The following RANBP17 variants were observed in gnomAD, a reference collection of about 807,000 sequenced individuals.
RANBP17 encodes RAN binding protein 17.
RANBP17 carries 158 observed loss-of-function variants against 141.2 expected under a neutral mutation model. That is an observed-to-expected ratio of 1.12 (90% confidence interval 0.98 to 1.28). RANBP17 has a LOEUF of 1.28. Among genes scored for constraint, RANBP17 ranks in the 50% most tolerant of loss-of-function variants. RANBP17 has a pLI of 0.00. For synonymous variants in RANBP17, 430 were observed against 450.0 expected (o/e 0.96, Z 0.56); for missense variants, 1,438 against 1,290.7 (o/e 1.11, Z -1.75).
chr5:170,935,468 G>T (rs1043362824), intron 12 of RANBP17, among the ~76,000 whole-genome samples: 1 of 152,170 alleles, frequency 6.6e-6, no homozygotes, highest in African/African-American at 2.4e-5. Context: ...TTTGATGATG[G>T]TGACGTATGG....
chr5:171,127,936 A>G (rs953679798), intron 14 of RANBP17, among the ~76,000 whole-genome samples: 1 of 152,158 alleles, frequency 6.6e-6, no homozygotes, highest in South Asian at 2.1e-4. Flanking sequence ...CGAGGCGGGC[A>G]GATCATGAGC....
intron 24 of RANBP17, among the ~76,000 whole-genome samples, chr5:171,260,608 T>G (rs1014598237): frequency 6.6e-6 from 1 of 152,074 alleles, no homozygotes; most frequent in African/African-American, 2.4e-5. Flanking sequence ...GTAGGGTGAC[T>G]ATAGTTAACA....
At chr5:171,055,365 A>G (rs1377774585) in intron 14 of RANBP17, among the ~76,000 whole-genome samples, 4 of 152,314 alleles carry the variant, frequency 2.6e-5, no homozygotes, top group East Asian at 1.9e-4. Context: ...CAGGTGTACC[A>G]TATTTCTTGA....
intron 16 of RANBP17, among the ~76,000 whole-genome samples, chr5:171,178,540 A>C (rs976679368): frequency 6.6e-5 from 10 of 152,158 alleles, no homozygotes; most frequent in African/African-American, 2.4e-4. Flanking sequence ...ATACCCAGTA[A>C]TGGGATTGCT....
chr5:171,157,577 C>T (rs966987882), intron 14 of RANBP17, among the ~76,000 whole-genome samples: 4 of 152,184 alleles, frequency 2.6e-5, no homozygotes, highest in African/African-American at 9.6e-5. Flanking sequence ...AATGTGGCAA[C>T]ATATTTGCTG....
intron 12 of RANBP17, among the ~76,000 whole-genome samples, chr5:170,926,240 G>A (rs1772910343): frequency 6.6e-6 from 1 of 152,120 alleles, no homozygotes; most frequent in Non-Finnish European, 1.5e-5. Context: ...CTGTGTTTCA[G>A]TAAAGTTTTA....
chr5:171,179,805 G>T (rs925131570), intron 16 of RANBP17, among the ~76,000 whole-genome samples: 1 of 152,028 alleles, frequency 6.6e-6, no homozygotes, highest in Non-Finnish European at 1.5e-5. Context: ...ATTAAATGGG[G>T]TAAATACTCA....
chr5:171,214,844 G>C (rs191987646), intron 21 of RANBP17, among the ~76,000 whole-genome samples: 2 of 151,918 alleles, frequency 1.3e-5, no homozygotes, highest in East Asian at 3.9e-4. Flanking sequence ...AAAAATCATT[G>C]CATTGTATAT....
chr5:171,143,018 C>A (rs967418463), intron 14 of RANBP17, among the ~76,000 whole-genome samples: 5 of 152,088 alleles, frequency 3.3e-5, no homozygotes, highest in African/African-American at 4.8e-5. Flanking sequence ...CTATTTTATC[C>A]ATTGCAGTAT....
At chr5:170,964,588 C>T (rs531005399) in intron 13 of RANBP17, among the ~76,000 whole-genome samples, 7 of 152,248 alleles carry the variant, frequency 4.6e-5, no homozygotes, top group East Asian at 1.9e-4. Flanking sequence ...TGATGTTCCC[C>T]TTCCTGTGTC....
chr5:171,258,150 CA>C (rs1766042441), intron 24 of RANBP17, among the ~76,000 whole-genome samples: 1 of 149,590 alleles, frequency 6.7e-6, no homozygotes, highest in Non-Finnish European at 1.5e-5. Context: ...CACACACACA[CA>C]CACACACACC....
chr5:170,961,953 G>A (rs1192477685), intron 13 of RANBP17, among the ~76,000 whole-genome samples: 1 of 152,124 alleles, frequency 6.6e-6, no homozygotes, highest in Non-Finnish European at 1.5e-5. Context: ...TTGCAGCTAG[G>A]TATGGCAAAG....
intron 14 of RANBP17, among the ~76,000 whole-genome samples, chr5:171,112,571 G>C (rs965999099): frequency 6.6e-6 from 1 of 151,914 alleles, no homozygotes; most frequent in African/African-American, 2.4e-5. Context: ...ACTGTCACCA[G>C]ACTCATGAAA....
At chr5:170,927,752 CA>C (rs1773043196) in intron 12 of RANBP17, among the ~76,000 whole-genome samples, 1 of 151,856 alleles carries the variant, frequency 6.6e-6, no homozygotes, top group African/African-American at 2.4e-5. Flanking sequence ...ATTGCCTTAC[CA>C]TAGTTTATCC....
intron 14 of RANBP17, among the ~76,000 whole-genome samples, chr5:170,975,113 A>G (rs367720074): frequency 2.2e-4 from 33 of 152,186 alleles, no homozygotes; most frequent in African/African-American, 7.7e-4. Flanking sequence ...AAGGCTGATA[A>G]TTTTTCAAAC....
intron 14 of RANBP17, among the ~76,000 whole-genome samples, chr5:171,141,113 A>G (rs1263044828): frequency 1.3e-5 from 2 of 152,006 alleles, no homozygotes; most frequent in African/African-American, 4.8e-5. Flanking sequence ...ATCCCTAAAA[A>G]TGTTTCTTTT....
chr5:171,045,193 AG>A (rs1448994558), intron 14 of RANBP17, among the ~76,000 whole-genome samples: 1 of 152,120 alleles, frequency 6.6e-6, no homozygotes, highest in African/African-American at 2.4e-5. Context: ...CTTATGCAAA[AG>A]AAAACATTAT....
rs140533623 is a variant in RANBP17, at chr5:171,027,278, T to G, written c.1710+58901T>G. Among the ~76,000 whole-genome samples the G allele has an allele frequency of 6.0e-3, 907 of 152,334 alleles. 9 individuals are homozygous for G. The highest frequency in any genetic ancestry group is 0.021 in the African/African-American group (864 of 41,582). On this transcript the variant is annotated intron_variant, in intron 14 of 27. Coordinates refer to ENST00000523189, the MANE Select transcript of RANBP17 (RefSeq NM_022897.5). ...TTATTACTGCGTGGTTCCAGATTGT[T>G]AAAGATTCAGCTACTTTAAAGCAGT...
intron 14 of RANBP17, among the ~76,000 whole-genome samples, chr5:170,987,307 T>C (rs1214690150): frequency 6.6e-6 from 1 of 151,688 alleles, no homozygotes; most frequent in East Asian, 1.9e-4. Context: ...TTTCAGACTA[T>C]TTCTGGGCTG....
Sources: gnomAD v4.1 joint callset for allele counts (sites outside exome capture counted in the v4.1 genomes callset) on GRCh38, gnomAD v4.1.1 for gene constraint, MANE v1.5 for transcripts, NCBI Gene and HGNC (gene_info 2026-07-23, HGNC 2026-07-21) for gene names.